Variants in RHEB observed in about 807,000 individuals in gnomAD.
The protein encoded by RHEB is GTP-binding protein Rheb.
Under a neutral mutation model 28.8 loss-of-function variants are expected in RHEB, and 2 were observed. The ratio of observed to expected loss-of-function variants is 0.07; its 90% CI spans 0.03 to 0.22. The LOEUF is 0.22. RHEB is among the 10% of genes least tolerant of loss of function. RHEB has a pLI of 1.00. For missense variants in RHEB, 76 were observed against 219.9 expected (o/e 0.35, Z 4.14); for synonymous variants, 69 against 77.3 (o/e 0.89, Z 0.56).
rs1325152843 is a variant in RHEB, at chr7:151,472,453, C to T, written c.276-848G>A. ...GGCCATCTTTACTCGGCCCCAGTGA[C>T]TCTCAAGCCGCAAACTTCTGACCTC... On this transcript the variant is annotated intron_variant, in intron 4 of 7. Transcript: ENST00000262187. The surrounding 1 kb of genome is among the most constrained non-coding windows in gnomAD (Gnocchi z 5.2). 6.6e-6 allele frequency among the ~76,000 whole-genome samples: 1 copy of T among 152,218 alleles called. No individual in the cohort carries two copies. The highest frequency in any genetic ancestry group is 1.5e-5 in the Non-Finnish European group (1 of 68,046).
intron 7 of RHEB, among the ~76,000 whole-genome samples, chr7:151,470,026 C>T (rs1802132931): frequency 6.6e-6 from 1 of 152,134 alleles, no homozygotes; most frequent in South Asian, 2.1e-4. Flanking sequence ...AGGGCTCATA[C>T]AGGACTGTGA....
In RHEB at chr7:151,477,203, G is replaced by GA. The variant is rs1802285916; in HGVS notation, c.275+129dup. On this transcript the variant is annotated intron_variant, in intron 4 of 7. Transcript: ENST00000262187. ...TCCCAGCAATCCAGTTGCTCCACGA[G>GA]AAAATCACTAAAAAACATGTAGCCT... 4 of 678,770 alleles carry GA rather than the reference G, an allele frequency of 5.9e-6. No individual in the cohort carries two copies. In the East Asian group the frequency reaches 8.5e-5, roughly 14 times the overall value. 42.0% of individuals were successfully genotyped at this position (678,770 alleles called of 1,614,324 possible). A position where few individuals can be genotyped will look rare whatever the true frequency, so the allele number is the denominator to read the frequency against.
chr7:151,491,039 T>C (rs1300966120), intron 1 of RHEB, 25 bp from the exon 2 acceptor site: 2 of 1,576,392 alleles, frequency 1.3e-6, no homozygotes, highest in African/African-American at 1.4e-5. Flanking sequence ...AAGAGCTTAG[T>C]GTGTGTTGGC....
chr7:151,502,100 G>C, intron 1 of RHEB: 1 of 418,564 alleles, frequency 2.4e-6, no homozygotes, highest in Middle Eastern at 6.8e-4. Flanking sequence ...GCTGGGTGTG[G>C]TGGCACATGC....
chr7:151,503,177 G>C, intron 1 of RHEB: 1 of 788,010 alleles, frequency 1.3e-6, no homozygotes, highest in South Asian at 1.4e-5. Flanking sequence ...CACAGAAAAG[G>C]AGAAAATTCT....
intron 1 of RHEB, among the ~76,000 whole-genome samples, chr7:151,516,622 C>CAAAAA (rs551863062): frequency 1.4e-3 from 132 of 91,806 alleles, no homozygotes; most frequent in East Asian, 2.7e-3. Flanking sequence ...GACTCTGTCA[C>CAAAAA]AAAAAAAAAA....
intron 1 of RHEB, chr7:151,501,866 G>A: frequency 1.6e-6 from 1 of 613,206 alleles, no homozygotes; most frequent in Non-Finnish European, 3.1e-6. Context: ...TTAGGGAAGA[G>A]GAGGCAAGAA....
intron 4 of RHEB, chr7:151,471,902 C>G (rs1802167818): frequency 8.8e-6 from 3 of 342,670 alleles, no homozygotes; most frequent in Non-Finnish European, 1.1e-5. Flanking sequence ...CCAACTCATT[C>G]AGCAAAGAAC....
chr7:151,515,064 T>C (rs1423839008), intron 1 of RHEB, among the ~76,000 whole-genome samples: 2 of 85,998 alleles, frequency 2.3e-5, no homozygotes, highest in Non-Finnish European at 4.4e-5. Flanking sequence ...TAAAAAATAA[T>C]AGCCAAAAAA....
intron 1 of RHEB, 83 bp from the exon 2 acceptor site, chr7:151,491,097 T>A: frequency 1.1e-6 from 1 of 914,192 alleles, no homozygotes; most frequent in Non-Finnish European, 1.7e-6. Flanking sequence ...AAAAAACCAT[T>A]AATAGATGAA....
intron 1 of RHEB, among the ~76,000 whole-genome samples, chr7:151,505,786 G>GTA (rs1317059679): frequency 6.6e-6 from 1 of 152,148 alleles, no homozygotes; most frequent in Non-Finnish European, 1.5e-5. Context: ...ACAAATTAAG[G>GTA]TATATCCATT....
At chr7:151,475,792 T>C (rs12671654) in intron 4 of RHEB, among the ~76,000 whole-genome samples, 22,695 of 152,164 alleles carry the variant, frequency 0.15, 2,195 homozygotes, top group East Asian at 0.23. Context: ...AGCCATTTAC[T>C]ATTTCAAATA....
chr7:151,512,055 G>T (rs972381941), intron 1 of RHEB, among the ~76,000 whole-genome samples: 4 of 152,196 alleles, frequency 2.6e-5, no homozygotes, highest in Non-Finnish European at 5.9e-5. Context: ...CGTGAGTACT[G>T]TATCAATGTT....
At position 151,503,802 on chromosome 7, in the gene RHEB, G is replaced by A. The variant is rs191504747; in HGVS notation, c.53-12788C>T. On this transcript the variant is annotated intron_variant, in intron 1 of 7. Transcript: ENST00000262187. ...TTTTTTTAAGCCTTCATATACAGAA[G>A]TAAAAATATTTTAACTGCTGTAAAC... Among the ~76,000 whole-genome samples the A allele has an allele frequency of 4.7e-4, 71 of 151,990 alleles. No individual in the cohort carries two copies. The East Asian group carries it at 0.011, about 24-fold the overall frequency.
At chr7:151,481,895 T>TA (rs1403226298) in intron 3 of RHEB, among the ~76,000 whole-genome samples, 2 of 152,248 alleles carry the variant, frequency 1.3e-5, no homozygotes, top group African/African-American at 4.8e-5. Context: ...CTATTTGTAT[T>TA]ACTACATCAC....
At chr7:151,492,599 A>G (rs909606319) in intron 1 of RHEB, among the ~76,000 whole-genome samples, 1 of 151,474 alleles carries the variant, frequency 6.6e-6, no homozygotes, top group African/African-American at 2.4e-5. Context: ...TCTGGGCAAC[A>G]GAGTGAGACT....
intron 1 of RHEB, among the ~76,000 whole-genome samples, chr7:151,511,660 A>G (rs1200907779): frequency 6.7e-6 from 1 of 148,412 alleles, no homozygotes; most frequent in Non-Finnish European, 1.5e-5. Context: ...AAAATGTTAG[A>G]TTTCTTTTTT....
At chr7:151,503,082 T>C in intron 1 of RHEB, 1 of 799,906 alleles carries the variant, frequency 1.3e-6, no homozygotes. Flanking sequence ...GAAGATACAC[T>C]AAAGACTTTG....
intron 3 of RHEB, among the ~76,000 whole-genome samples, chr7:151,477,851 A>C (rs1346373885): frequency 6.6e-6 from 1 of 152,182 alleles, no homozygotes; most frequent in East Asian, 1.9e-4. Flanking sequence ...TCTGCATGTC[A>C]GTCACAATGA....
Sources: allele counts gnomAD v4.1 joint callset (sites outside exome capture counted in the v4.1 genomes callset), GRCh38; gene constraint gnomAD v4.1.1; non-coding constraint Gnocchi (gnomAD v3.1); transcripts MANE v1.5; gene names NCBI Gene and HGNC (gene_info 2026-07-23, HGNC 2026-07-21).